RAE1: variants seen among roughly 807,000 people sequenced by gnomAD.
The protein encoded by RAE1 is mRNA export factor RAE1.
Under a neutral mutation model 52.7 loss-of-function variants are expected in RAE1, and 13 were observed. The observed-to-expected ratio is 0.25, with a 90% CI of 0.16 to 0.39. The LOEUF (loss-of-function observed/expected upper bound fraction) is 0.39. Ranked by LOEUF, RAE1 falls within the 10% of genes least tolerant of loss-of-function variation. The pLI, the probability that RAE1 is intolerant of heterozygous loss-of-function variation, is 1.00. For missense variants in RAE1, 262 were observed against 459.8 expected, an observed-to-expected ratio of 0.57 and a Z score of 3.93; for synonymous variants, 164 against 153.1, an observed-to-expected ratio of 1.07 and a Z score of -0.52.
chr20:57,357,543 T>C (rs1353491803), intron 4 of RAE1: 1 of 152,146 alleles, frequency 6.6e-6, no homozygotes, highest in African/African-American at 2.4e-5. Context: ...GTCTTAGCGG[T>C]ATTGGGGTTA....
intron 4 of RAE1, among the ~76,000 whole-genome samples, chr20:57,362,176 G>A (rs1320453432): frequency 2.6e-5 from 4 of 152,172 alleles, no homozygotes; most frequent in African/African-American, 9.7e-5. Flanking sequence ...GGGGACCGCT[G>A]CTTTAATGTG....
intron 11 of RAE1, 42 bp from the exon 12 acceptor site, chr20:57,377,971 C>T (rs755095713): frequency 1.4e-6 from 2 of 1,468,502 alleles, no homozygotes; most frequent in African/African-American, 2.8e-5. Context: ...TGCTAACTTT[C>T]TTTTGAATAA....
intron 1 of RAE1, 106 bp from the exon 2 acceptor site, chr20:57,353,926 C>T (rs1337876652): frequency 1.0e-6 from 1 of 991,090 alleles, no homozygotes; most frequent in East Asian, 2.5e-5. Flanking sequence ...GAAGCCTGGC[C>T]TCAAGCCACT....
intron 1 of RAE1, chr20:57,351,745 C>G (rs11545023): frequency 1.0e-6 from 1 of 985,388 alleles, no homozygotes; most frequent in South Asian, 4.7e-5. Flanking sequence ...CTGGGAGAAG[C>G]TTTCCCTGGC....
intron 4 of RAE1, among the ~76,000 whole-genome samples, chr20:57,362,830 A>C (rs747668699): frequency 6.6e-6 from 1 of 152,214 alleles, no homozygotes; most frequent in Non-Finnish European, 1.5e-5. Context: ...GTAGCCCAGG[A>C]GTGCAGTGGT....
intron 3 of RAE1, 69 bp downstream of exon 3, chr20:57,354,885 C>G: frequency 8.4e-7 from 1 of 1,185,130 alleles, no homozygotes; most frequent in Non-Finnish European, 1.2e-6. Flanking sequence ...GCTTTAGCTC[C>G]GTTGTTTCCC....
At chr20:57,352,576 A>G (rs73914832) in intron 1 of RAE1, among the ~76,000 whole-genome samples, 8,481 of 152,292 alleles carry the variant, frequency 0.056, 584 homozygotes, top group African/African-American at 0.17. Flanking sequence ...AACACGAACG[A>G]TTCTCACCTA....
intron 3 of RAE1, among the ~76,000 whole-genome samples, chr20:57,355,984 T>C (rs533512635): frequency 3.9e-5 from 6 of 152,320 alleles, no homozygotes; most frequent in African/African-American, 1.4e-4. Flanking sequence ...GAAAGAAGAC[T>C]AAGAGCACAC....
intron 8 of RAE1, among the ~76,000 whole-genome samples, chr20:57,369,167 C>T (rs985724016): frequency 1.3e-5 from 2 of 152,166 alleles, no homozygotes; most frequent in Non-Finnish European, 2.9e-5. Context: ...ATGTGCACAG[C>T]GTCTTACAAC....
At chr20:57,367,209 G>A (rs2066967837) in intron 7 of RAE1, 130 bp downstream of exon 7, 1 of 815,858 alleles carries the variant, frequency 1.2e-6, no homozygotes, top group South Asian at 1.8e-5. Flanking sequence ...TAGATATAAA[G>A]GATCGAGTTG....
chr20:57,363,307 G>GT (rs1054042422), intron 4 of RAE1, among the ~76,000 whole-genome samples: 2 of 152,174 alleles, frequency 1.3e-5, no homozygotes, highest in African/African-American at 4.8e-5. Context: ...GAGGTCAGGA[G>GT]TTTGAGACCA....
chr20:57,365,671 G>C (rs982117891), intron 5 of RAE1, among the ~76,000 whole-genome samples: 1 of 152,156 alleles, frequency 6.6e-6, no homozygotes, highest in East Asian at 1.9e-4. Flanking sequence ...CTTCATATAT[G>C]TATGGATGGA....
chr20:57,374,995 A>G (rs1408534014), intron 11 of RAE1, 194 bp downstream of exon 11: 6 of 730,690 alleles, frequency 8.2e-6, no homozygotes, highest in East Asian at 5.3e-5. Context: ...GCCTTTGGCC[A>G]GAACCCAGCA....
chr20:57,361,702 C>T (rs779148445), intron 4 of RAE1, among the ~76,000 whole-genome samples: 3 of 152,134 alleles, frequency 2.0e-5, no homozygotes, highest in Middle Eastern at 3.2e-3. Flanking sequence ...GTCACAGCAT[C>T]CCAAAGTTAA....
Position 57,373,650 on chromosome 20 carries a change from C to T in RAE1, c.750-13C>T. The T allele has an allele frequency of 6.2e-7, 1 of 1,613,980 alleles. No individual in the cohort carries two copies. The highest frequency in any genetic ancestry group is 8.5e-7 in the Non-Finnish European group (1 of 1,179,846). On this transcript the variant is annotated splice_polypyrimidine_tract_variant and intron_variant, in intron 9 of 11. Coordinates refer to ENST00000395841, the MANE Select transcript of RAE1 (RefSeq NM_003610.4). ...TTAACAAAGGAAGACTTACATGAAC[C>T]TTTGTCTTTCAGCGCCAAAGATAAC...
chr20:57,376,773 C>T (rs1184382454), intron 11 of RAE1, among the ~76,000 whole-genome samples: 2 of 152,234 alleles, frequency 1.3e-5, no homozygotes, highest in African/African-American at 4.8e-5. Flanking sequence ...TTTGCATACT[C>T]ATCCCAGCAG....
At chr20:57,354,168 G>T (rs2066750992) in intron 2 of RAE1, 40 bp downstream of exon 2, 2 of 1,569,908 alleles carry the variant, frequency 1.3e-6, no homozygotes, top group Non-Finnish European at 1.8e-6. Context: ...GGAAGAGTTT[G>T]GGCAGAGTTT....
intron 1 of RAE1, chr20:57,352,114 G>A (rs892739154): frequency 2.6e-6 from 1 of 381,042 alleles, no homozygotes; most frequent in Non-Finnish European, 3.6e-6. Context: ...GCAAAGAAGC[G>A]TCTGAGGAGG....
chr20:57,364,700 G>C (rs2066931345), intron 4 of RAE1, among the ~76,000 whole-genome samples: 2 of 152,192 alleles, frequency 1.3e-5, no homozygotes, highest in South Asian at 4.1e-4. Flanking sequence ...GTGCTTTCAA[G>C]CTGCAGTGAC....
Sources: allele counts gnomAD v4.1 joint callset (sites outside exome capture counted in the v4.1 genomes callset), GRCh38; gene constraint gnomAD v4.1.1; transcripts MANE v1.5; gene names NCBI Gene and HGNC (gene_info 2026-07-23, HGNC 2026-07-21).